Variants in MAP2 observed in about 807,000 individuals in gnomAD.
The protein encoded by MAP2 is microtubule-associated protein 2.
In MAP2, 14 loss-of-function variants were observed where a neutral mutation model predicts 137.6. That is an observed-to-expected ratio of 0.10 (90% CI 0.07 to 0.16). The LOEUF (loss-of-function observed/expected upper bound fraction) is 0.16. Among genes scored for constraint, MAP2 ranks in the 10% least tolerant of loss-of-function variants. The pLI, the probability that MAP2 is intolerant of heterozygous loss-of-function variation, is 1.00. For missense variants in MAP2, 2,088 were observed against 2,191.5 expected, an observed-to-expected ratio of 0.95 and a Z score of 0.94; for synonymous variants, 786 against 782.3, an observed-to-expected ratio of 1.00 and a Z score of -0.08.
At chr2:209,652,090 C>T (rs1006480752) in intron 4 of MAP2, among the ~76,000 whole-genome samples, 2 of 152,168 alleles carry the variant, frequency 1.3e-5, no homozygotes, top group African/African-American at 4.8e-5. Context: ...ATCAATAAGG[C>T]TGCATGGTGG....
At chr2:209,515,566 A>G (rs2062367992) in intron 2 of MAP2, among the ~76,000 whole-genome samples, 1 of 151,960 alleles carries the variant, frequency 6.6e-6, no homozygotes, top group Admixed American at 6.6e-5. Context: ...ATGAGAACTC[A>G]CTCACTATCA....
intron 1 of MAP2, among the ~76,000 whole-genome samples, chr2:209,503,003 T>TC (rs1201288170): frequency 1.0e-5 from 1 of 99,500 alleles, no homozygotes; most frequent in African/African-American, 2.9e-5. Flanking sequence ...TTTTTTCTTT[T>TC]TTTTTTTTTT....
intron 13 of MAP2, among the ~76,000 whole-genome samples, chr2:209,718,207 C>T (rs2068557660): frequency 6.6e-6 from 1 of 151,962 alleles, no homozygotes; most frequent in Non-Finnish European, 1.5e-5. Context: ...AGAAAATTAC[C>T]ACTTTGGGTT....
intron 1 of MAP2, among the ~76,000 whole-genome samples, chr2:209,446,081 A>G (rs1033963859): frequency 6.6e-6 from 1 of 151,800 alleles, no homozygotes; most frequent in African/African-American, 2.4e-5. Context: ...TAATGCCGTA[A>G]TATGGTCATA....
intron 4 of MAP2, among the ~76,000 whole-genome samples, chr2:209,652,848 TC>T (rs576686801): frequency 1.0e-3 from 157 of 152,324 alleles, no homozygotes; most frequent in African/African-American, 3.2e-3. Context: ...TAGTTTTTTT[TC>T]ATTGTTGTTT....
intron 2 of MAP2, among the ~76,000 whole-genome samples, chr2:209,546,969 A>G (rs1469927816): frequency 6.6e-6 from 1 of 152,214 alleles, no homozygotes; most frequent in Non-Finnish European, 1.5e-5. Flanking sequence ...ATACTTTCCA[A>G]TGAGCCAATA....
At chr2:209,563,082 C>CT (rs2072555327) in intron 2 of MAP2, among the ~76,000 whole-genome samples, 1 of 152,146 alleles carries the variant, frequency 6.6e-6, no homozygotes, top group African/African-American at 2.4e-5. Flanking sequence ...ACCTTAACTC[C>CT]TGCCAGGTCT....
intron 4 of MAP2, among the ~76,000 whole-genome samples, chr2:209,645,620 A>G (rs955383104): frequency 1.3e-5 from 2 of 152,192 alleles, no homozygotes; most frequent in Admixed American, 6.5e-5. Flanking sequence ...CATGAAAATA[A>G]GCTATTGTGT....
At chr2:209,478,479 T>C (rs1707923880) in intron 1 of MAP2, among the ~76,000 whole-genome samples, 1 of 152,226 alleles carries the variant, frequency 6.6e-6, no homozygotes. Flanking sequence ...GTTGAAAATG[T>C]ATCTGGATAT....
intron 1 of MAP2, among the ~76,000 whole-genome samples, chr2:209,435,998 TATATATACAGTATATATTATA>T (rs1696056126): frequency 2.3e-5 from 2 of 88,806 alleles, no homozygotes; most frequent in African/African-American, 1.3e-4. Context: ...TATTATATAC[TATATATACAGTATATATTATA>T]TATAAAATAT....
At chr2:209,600,852 T>G (rs1043200284) in intron 3 of MAP2, among the ~76,000 whole-genome samples, 1 of 152,188 alleles carries the variant, frequency 6.6e-6, no homozygotes, top group African/African-American at 2.4e-5. Flanking sequence ...GTCTATTCCA[T>G]CATTTGAGCT....
chr2:209,676,929 A>G (rs1029693945), intron 5 of MAP2, among the ~76,000 whole-genome samples: 5 of 151,368 alleles, frequency 3.3e-5, no homozygotes, highest in Non-Finnish European at 7.4e-5. Flanking sequence ...TCAAAACCTA[A>G]AATAATTCTT....
intron 2 of MAP2, among the ~76,000 whole-genome samples, chr2:209,561,397 C>A (rs1057089869): frequency 1.3e-5 from 2 of 152,090 alleles, no homozygotes; most frequent in African/African-American, 4.8e-5. Context: ...CCATTACATA[C>A]GTAGAAAAAT....
chr2:209,558,778 T>A lies in MAP2; in HGVS notation c.-171-21258T>A, dbSNP rs556021349. Among the ~76,000 whole-genome samples, 3 of 152,060 alleles carry A rather than the reference T, an allele frequency of 2.0e-5. No individual in the cohort carries two copies. The South Asian group carries it at 6.2e-4, about 32-fold the overall frequency. ...GTAACCAGCACCTGCTTTTTTAAAA[T>A]TTTGTGACGTTAATGTTTCTGGAAA... On this transcript the variant is annotated intron_variant, in intron 2 of 15. Coordinates refer to ENST00000682079, the MANE Select transcript of MAP2 (RefSeq NM_001375505.1).
In MAP2 at chr2:209,695,268, A is replaced by C. The variant is rs2059903249; in HGVS notation, c.3098A>C (p.Lys1033Thr). The C allele has an allele frequency of 1.2e-6, 2 of 1,613,790 alleles. No homozygotes were observed. Among genetic ancestry groups the C allele is most frequent in the Non-Finnish European group, 1.7e-6 (2 of 1,179,956 alleles). The change falls in exon 8 of 16, where the codon AAG (lysine) becomes ACG (threonine). Residue 1033 changes from lysine to threonine, a missense_variant. Lys to Thr is a moderately conservative substitution (Grantham distance 78). Around this residue, in one of 6 missense-constraint regions of MAP2, gnomAD observed 500 missense variants for 482.9 expected, o/e 1.04. Transcript: ENST00000682079. ...ATAGCTGAGGTAGAACCATCCAAAA[A>C]GGTGGAACAAGGTCTGGATTTTGCT... ...PEIAEVEPSKKVEQGLDFAVQ... is the reference protein window; with the variant it reads ...PEIAEVEPSKTVEQGLDFAVQ...
At chr2:209,527,791 C>T (rs1439228155) in intron 2 of MAP2, among the ~76,000 whole-genome samples, 1 of 152,132 alleles carries the variant, frequency 6.6e-6, no homozygotes, top group African/African-American at 2.4e-5. Flanking sequence ...CCACCCCAGA[C>T]CTAGTGAATC....
chr2:209,553,835 G>A (rs1156697469), intron 2 of MAP2, among the ~76,000 whole-genome samples: 1 of 152,152 alleles, frequency 6.6e-6, no homozygotes, highest in Non-Finnish European at 1.5e-5. Context: ...GTGGTATGCT[G>A]GTAAAGTGGC....
chr2:209,584,252 C>T (rs189889532), intron 3 of MAP2, among the ~76,000 whole-genome samples: 24 of 151,938 alleles, frequency 1.6e-4, no homozygotes, highest in Admixed American at 8.5e-4. Context: ...TTTTCTGAGG[C>T]GGAACTTGGG....
intron 14 of MAP2, 146 bp downstream of exon 14, chr2:209,725,936 T>C: frequency 1.9e-6 from 1 of 539,500 alleles, no homozygotes; most frequent in Admixed American, 4.0e-5. Flanking sequence ...GAAACTAAAA[T>C]TGAAAATTTC....
Sources: allele counts gnomAD v4.1 joint callset (sites outside exome capture counted in the v4.1 genomes callset), GRCh38; gene constraint gnomAD v4.1.1; regional missense constraint gnomAD v4.1.1; transcripts MANE v1.5; gene names NCBI Gene and HGNC (gene_info 2026-07-23, HGNC 2026-07-21).